Variants in TTC7A observed in about 807,000 individuals in gnomAD.
TTC7A encodes tetratricopeptide repeat domain 7A.
In TTC7A, 110 loss-of-function variants were observed where a neutral mutation model predicts 103.7. The ratio of observed to expected loss-of-function variants is 1.06; its 90% confidence interval spans 0.91 to 1.24. The LOEUF is 1.24. Ranked by LOEUF, TTC7A falls within the 50% of genes most tolerant of loss-of-function variation. The pLI, the probability that TTC7A is intolerant of heterozygous loss-of-function variation, is 0.00. For missense variants in TTC7A, 1,340 were observed against 1,116.3 expected, an observed-to-expected ratio of 1.20 and a Z score of -2.86; for synonymous variants, 521 against 467.9, an observed-to-expected ratio of 1.11 and a Z score of -1.47.
chr2:47,064,276 A>G (rs1684016176), intron 19 of TTC7A, among the ~76,000 whole-genome samples: 1 of 152,236 alleles, frequency 6.6e-6, no homozygotes, highest in South Asian at 2.1e-4. Context: ...AGAAAGAAAA[A>G]GAAGTGTGCT....
intron 3 of TTC7A, among the ~76,000 whole-genome samples, chr2:46,972,522 C>T (rs1485938007): frequency 6.6e-6 from 1 of 152,188 alleles, no homozygotes; most frequent in Non-Finnish European, 1.5e-5. Context: ...AGCTTAACAA[C>T]CCCAGTGGAA....
At chr2:47,061,104 G>GAAGCCCCCTCCCCTA in intron 19 of TTC7A, 133 bp downstream of exon 19, 1 of 956,692 alleles carries the variant, frequency 1.0e-6, no homozygotes. Flanking sequence ...GGTGTCTAGG[G>GAAGCCCCCTCCCCTA]GAGGGGGCTT....
intron 3 of TTC7A, chr2:46,958,397 G>A (rs1672075364): frequency 1.1e-6 from 1 of 951,616 alleles, no homozygotes; most frequent in African/African-American, 1.7e-5. Flanking sequence ...TGGACGCCCT[G>A]AGCGGAACCC....
chr2:47,000,811 G>A (rs1041806991), intron 8 of TTC7A, among the ~76,000 whole-genome samples: 1 of 152,188 alleles, frequency 6.6e-6, no homozygotes, highest in Admixed American at 6.5e-5. Flanking sequence ...GTTGATCAGG[G>A]CCTTGGACTT....
chr2:46,992,377 G>C (rs1675721980), intron 5 of TTC7A, among the ~76,000 whole-genome samples: 1 of 152,248 alleles, frequency 6.6e-6, no homozygotes, highest in African/African-American at 2.4e-5. Context: ...AGCATGGGGA[G>C]GGGTCTGGGG....
chr2:47,021,048 G>A (rs1352261222), intron 11 of TTC7A, among the ~76,000 whole-genome samples: 1 of 152,236 alleles, frequency 6.6e-6, no homozygotes, highest in African/African-American at 2.4e-5. Context: ...CTTGCTGTGG[G>A]TGGGTCAGTG....
At chr2:46,997,692 T>C (rs990051365) in intron 8 of TTC7A, among the ~76,000 whole-genome samples, 2 of 152,156 alleles carry the variant, frequency 1.3e-5, no homozygotes, top group African/African-American at 2.4e-5. Flanking sequence ...CTAATCCTTG[T>C]TCTTAAGTGT....
At position 47,032,859 on chromosome 2, in the gene TTC7A, C is replaced by CAA. The variant is rs10586448; in HGVS notation, c.1802+3499_1802+3500dup. Among the ~76,000 whole-genome samples, 662 of 87,856 alleles carry CAA rather than the reference C, an allele frequency of 7.5e-3. 6 individuals carry two copies. The highest frequency in any genetic ancestry group is 0.011 in the African/African-American group (285 of 26,534). 57.6% of individuals were successfully genotyped at this position (87,856 alleles called of 152,430 possible). A position where few individuals can be genotyped will look rare whatever the true frequency, so the allele number is the denominator to read the frequency against. ...GAGAATAAATCTCTGTTGTTTTAAG[C>CAA]AAAAAAAAAAAAAAAAAAAAAAAAA... On this transcript the variant is annotated intron_variant, in intron 15 of 19. Transcript: ENST00000319190.
At chr2:47,054,627 G>A (rs984776498) in intron 18 of TTC7A, among the ~76,000 whole-genome samples, 2 of 152,118 alleles carry the variant, frequency 1.3e-5, no homozygotes, top group Non-Finnish European at 2.9e-5. Flanking sequence ...GAGCCCAGGA[G>A]TTCAAGACCA....
intron 8 of TTC7A, among the ~76,000 whole-genome samples, chr2:46,996,408 G>T (rs1180821160): frequency 6.6e-6 from 1 of 152,250 alleles, no homozygotes; most frequent in African/African-American, 2.4e-5. Flanking sequence ...GATCCCGTGA[G>T]CTGGATCCCT....
At chr2:46,947,671 T>C (rs1292877200) in intron 1 of TTC7A, among the ~76,000 whole-genome samples, 1 of 152,184 alleles carries the variant, frequency 6.6e-6, no homozygotes, top group Non-Finnish European at 1.5e-5. Context: ...GAGCTGAGAT[T>C]GTGCCATTGC....
chr2:46,935,655 C>T (rs1669942146), intron 2 of TTC7A, among the ~76,000 whole-genome samples: 1 of 152,164 alleles, frequency 6.6e-6, no homozygotes, highest in South Asian at 2.1e-4. Flanking sequence ...CAACTGAGAC[C>T]TCCTCAACAC....
chr2:47,071,220 G>GGTGTCAGGGGC (rs1684667419), intron 19 of TTC7A: 1 of 152,286 alleles, frequency 6.6e-6, no homozygotes, highest in Non-Finnish European at 1.5e-5. Context: ...GAACTCGGCT[G>GGTGTCAGGGGC]GTGTCAGGGG....
At chr2:46,992,203 C>T (rs2104373267) in intron 5 of TTC7A, among the ~76,000 whole-genome samples, 1 of 152,368 alleles carries the variant, frequency 6.6e-6, no homozygotes, top group East Asian at 1.9e-4. Context: ...TTACACTTTC[C>T]TGAGCATGTG....
intron 2 of TTC7A, among the ~76,000 whole-genome samples, chr2:46,932,786 A>G (rs753997753): frequency 2.0e-4 from 30 of 151,676 alleles, no homozygotes; most frequent in South Asian, 4.2e-4. Context: ...TTGTAGTCCC[A>G]GCTACTCAAG....
In TTC7A at chr2:47,075,608, C is replaced by G. The variant is rs1167898348; in HGVS notation, c.*1685C>G. ...ACTGGGCATGTAGCTCCCACACCAGCCTTGAGCCAGGCCCTGGACAGGAGG... is the reference window on the plus strand; with the variant it reads ...ACTGGGCATGTAGCTCCCACACCAGGCTTGAGCCAGGCCCTGGACAGGAGG... On this transcript the variant is annotated 3_prime_UTR_variant, in exon 20 of 20. Transcript: ENST00000319190. The G allele has an allele frequency of 1.3e-5, 2 of 152,268 alleles. No individual in the cohort carries two copies. Among genetic ancestry groups the G allele is most frequent in the Non-Finnish European group, 2.9e-5 (2 of 68,056 alleles). 9.4% of individuals were successfully genotyped at this position (152,268 alleles called of 1,614,324 possible). A position where few individuals can be genotyped will look rare whatever the true frequency, so the allele number is the denominator to read the frequency against.
intron 4 of TTC7A, among the ~76,000 whole-genome samples, chr2:46,976,193 T>C (rs759020811): frequency 3.3e-4 from 51 of 152,262 alleles, no homozygotes; most frequent in Non-Finnish European, 6.8e-4. Flanking sequence ...ATTCATTCTA[T>C]AATTTAACCC....
intron 3 of TTC7A, among the ~76,000 whole-genome samples, chr2:46,958,755 C>T (rs1247698642): frequency 2.0e-5 from 3 of 152,208 alleles, no homozygotes; most frequent in Non-Finnish European, 4.4e-5. Context: ...TGCACGTGGC[C>T]ACCAGGGTGT....
In TTC7A at chr2:47,016,451, T is replaced by A. The variant is rs551646738; in HGVS notation, c.1392+5016T>A. On this transcript the variant is annotated intron_variant, in intron 11 of 19. Coordinates refer to ENST00000319190, the MANE Select transcript of TTC7A (RefSeq NM_020458.4). ...AAACACCAATGCCATCAGGTAGCTGTGGTGCTGTGAAAATGCCAGGGGAGC... is the reference window on the plus strand; with the variant it reads ...AAACACCAATGCCATCAGGTAGCTGAGGTGCTGTGAAAATGCCAGGGGAGC... 2.0e-5 allele frequency among the ~76,000 whole-genome samples: 3 copies of A among 152,292 alleles called. No homozygotes were observed. In the South Asian group the frequency reaches 6.2e-4, roughly 32 times the overall value.
Sources: allele counts gnomAD v4.1 joint callset (sites outside exome capture counted in the v4.1 genomes callset), GRCh38; gene constraint gnomAD v4.1.1; transcripts MANE v1.5; gene names NCBI Gene and HGNC (gene_info 2026-07-23, HGNC 2026-07-21).